PRELID2: variants seen among roughly 807,000 people sequenced by gnomAD.
PRELID2 encodes the protein PRELI domain-containing protein 2.
Under a neutral mutation model 28.4 loss-of-function variants are expected in PRELID2, and 25 were observed. The ratio of observed to expected loss-of-function variants is 0.88; its 90% CI spans 0.64 to 1.23. The LOEUF (loss-of-function observed/expected upper bound fraction) is 1.23. PRELID2 is among the 50% of genes most tolerant of loss of function. PRELID2 has a pLI of 0.00. For missense variants in PRELID2, 201 were observed against 214.4 expected, an observed-to-expected ratio of 0.94 and a Z score of 0.39; for synonymous variants, 76 against 71.6, an observed-to-expected ratio of 1.06 and a Z score of -0.31.
At chr5:145,540,170 T>C (rs773489180) in intron 1 of PRELID2, among the ~76,000 whole-genome samples, 1 of 151,976 alleles carries the variant, frequency 6.6e-6, no homozygotes, top group Non-Finnish European at 1.5e-5. Flanking sequence ...ATTGTTGGAA[T>C]TAGACTCCTT....
At chr5:145,338,086 C>T in the PRELID2 span, 1 of 152,122 alleles carries the variant, frequency 6.6e-6, no homozygotes, top group African/African-American at 2.4e-5. Flanking sequence ...TTATTCAAAA[C>T]TTTACATTGA....
intron 1 of PRELID2, among the ~76,000 whole-genome samples, chr5:145,561,780 T>C (rs1042917671): frequency 3.9e-5 from 6 of 152,196 alleles, no homozygotes; most frequent in African/African-American, 1.4e-4. Flanking sequence ...ATTCAATACA[T>C]TTGCATGAAT....
At chr5:145,346,543 T>C in the PRELID2 span, among the ~76,000 whole-genome samples, 1 of 152,176 alleles carries the variant, frequency 6.6e-6, no homozygotes, top group Admixed American at 6.5e-5. Flanking sequence ...ACAGGGCTGT[T>C]CCATTTTAGG....
At chr5:145,389,544 G>A in the PRELID2 span, among the ~76,000 whole-genome samples, 1 of 152,112 alleles carries the variant, frequency 6.6e-6, no homozygotes, top group Non-Finnish European at 1.5e-5. Context: ...TTGCATTTAG[G>A]GAACATCTTT....
the PRELID2 span, among the ~76,000 whole-genome samples, chr5:145,292,177 C>A: frequency 6.6e-6 from 1 of 152,040 alleles, no homozygotes; most frequent in African/African-American, 2.4e-5. Context: ...ATTTTCACCT[C>A]TAGGCGACGA....
At chr5:145,738,531 A>G (rs1031294071) in intron 1 of PRELID2, among the ~76,000 whole-genome samples, 1 of 152,210 alleles carries the variant, frequency 6.6e-6, no homozygotes, top group Non-Finnish European at 1.5e-5. Context: ...GAAAAAAGAC[A>G]GCCAAAATTT....
At chr5:145,514,161 T>C (rs1382340702) in intron 1 of PRELID2, among the ~76,000 whole-genome samples, 1 of 152,082 alleles carries the variant, frequency 6.6e-6, no homozygotes, top group Non-Finnish European at 1.5e-5. Context: ...ACCTTAAATG[T>C]AAATGGGTTA....
intron 1 of PRELID2, among the ~76,000 whole-genome samples, chr5:145,722,885 A>G (rs2436416): frequency 0.18 from 27,997 of 152,078 alleles, 2,994 homozygotes; most frequent in African/African-American, 0.29. Context: ...CTTTTATAGA[A>G]AAAACATTGT....
intron 1 of PRELID2, among the ~76,000 whole-genome samples, chr5:145,664,808 G>C (rs114649109): frequency 6.6e-6 from 1 of 152,046 alleles, no homozygotes; most frequent in East Asian, 1.9e-4. Flanking sequence ...ACTCCAGCAC[G>C]GCTTTGCTGA....
intron 1 of PRELID2, among the ~76,000 whole-genome samples, chr5:145,599,216 C>T (rs1580993584): frequency 6.6e-6 from 1 of 152,298 alleles, no homozygotes; most frequent in East Asian, 1.9e-4. Flanking sequence ...AGTTCTATTA[C>T]CACACAGCCA....
chr5:145,559,836 TAAAA>T (rs59361990), intron 1 of PRELID2, among the ~76,000 whole-genome samples: 4 of 142,326 alleles, frequency 2.8e-5, no homozygotes, highest in Admixed American at 6.9e-5. Context: ...TAAAAAGAGG[TAAAA>T]AAAAAAAAAA....
intron 1 of PRELID2, among the ~76,000 whole-genome samples, chr5:145,532,456 T>A (rs1580969878): frequency 6.6e-6 from 1 of 152,200 alleles, no homozygotes; most frequent in Admixed American, 6.5e-5. Context: ...TTACCTCACA[T>A]CCTTATCATT....
intron 1 of PRELID2, among the ~76,000 whole-genome samples, chr5:145,651,424 C>T (rs994165968): frequency 7.2e-5 from 11 of 152,276 alleles, no homozygotes; most frequent in South Asian, 2.1e-4. Flanking sequence ...TCTCCCAGCA[C>T]GGAGTCTGAG....
chr5:145,712,885 A>T (rs1007688312), intron 1 of PRELID2, among the ~76,000 whole-genome samples: 3 of 152,142 alleles, frequency 2.0e-5, no homozygotes, highest in Non-Finnish European at 4.4e-5. Flanking sequence ...AAACATGAAA[A>T]GTGAAAAATA....
intron 1 of PRELID2, among the ~76,000 whole-genome samples, chr5:145,486,935 T>G: frequency 6.7e-6 from 1 of 149,166 alleles, no homozygotes; most frequent in Non-Finnish European, 1.5e-5. Flanking sequence ...GTTCATGTCC[T>G]TTGTAGGGAC....
chr5:145,628,154 G>T (rs1753877603), intron 1 of PRELID2, among the ~76,000 whole-genome samples: 2 of 151,692 alleles, frequency 1.3e-5, no homozygotes, highest in Non-Finnish European at 2.9e-5. Flanking sequence ...TCTCTATAAG[G>T]CAATTAGGCA....
the PRELID2 span, among the ~76,000 whole-genome samples, chr5:145,349,556 C>T: frequency 1.3e-5 from 2 of 152,162 alleles, no homozygotes; most frequent in East Asian, 3.9e-4. Flanking sequence ...TGAAGAGACA[C>T]TCATACAGCA....
At chr5:145,238,404 G>A in the PRELID2 span, among the ~76,000 whole-genome samples, 1 of 151,950 alleles carries the variant, frequency 6.6e-6, no homozygotes. Context: ...ATTTCATTCA[G>A]CACTCCTCGA....
At chr5:145,481,623 C>CAAAAAAAAAAAAAAAAAAAAAAAAAGA (rs1752160619) in intron 1 of PRELID2, among the ~76,000 whole-genome samples, 2 of 41,862 alleles carry the variant, frequency 4.8e-5, no homozygotes, top group Non-Finnish European at 7.5e-5. Context: ...GCAAGGAAAT[C>CAAAAAAAAAAAAAAAAAAAAAAAAAGA]AAAAAAAAAA....
Sources: allele counts gnomAD v4.1 joint callset (sites outside exome capture counted in the v4.1 genomes callset), GRCh38; gene constraint gnomAD v4.1.1; transcripts MANE v1.5; gene names NCBI Gene and HGNC (gene_info 2026-07-23, HGNC 2026-07-21).